TMEM163: variants seen among roughly 807,000 people sequenced by gnomAD.
The protein encoded by TMEM163 is transmembrane protein 163.
TMEM163 carries 17 observed loss-of-function variants against 29.3 expected under a neutral mutation model. The ratio of observed to expected loss-of-function variants is 0.58; its 90% CI spans 0.40 to 0.87. The LOEUF (loss-of-function observed/expected upper bound fraction) is 0.87. Ranked by LOEUF, TMEM163 falls within the 40% of genes least tolerant of loss-of-function variation. The pLI is 0.00. For synonymous variants in TMEM163, 157 were observed against 160.6 expected (o/e 0.98, Z 0.17); for missense variants, 303 against 381.5 (o/e 0.79, Z 1.71).
chr2:134,547,647 A>G (rs1257822130), intron 4 of TMEM163, among the ~76,000 whole-genome samples: 3 of 152,198 alleles, frequency 2.0e-5, no homozygotes, highest in Non-Finnish European at 4.4e-5. Context: ...AGGGATTAAA[A>G]CTTTAAACCA....
chr2:134,689,359 C>T (rs577001036), intron 2 of TMEM163, among the ~76,000 whole-genome samples: 50 of 152,260 alleles, frequency 3.3e-4, no homozygotes, highest in African/African-American at 1.0e-3. Flanking sequence ...CTGCCTGCCT[C>T]GGCCTCCCGA....
At chr2:134,586,424 A>C (rs898947139) in intron 2 of TMEM163, among the ~76,000 whole-genome samples, 18 of 152,184 alleles carry the variant, frequency 1.2e-4, no homozygotes, top group African/African-American at 4.3e-4. Flanking sequence ...CTTCTGCTGC[A>C]TCACGCTGAT....
intron 4 of TMEM163, among the ~76,000 whole-genome samples, chr2:134,538,407 C>T (rs1311647660): frequency 6.6e-6 from 1 of 152,202 alleles, no homozygotes; most frequent in Non-Finnish European, 1.5e-5. Flanking sequence ...TATGATATTT[C>T]ATTACAGCAG....
At chr2:134,665,400 G>A (rs956499390) in intron 2 of TMEM163, among the ~76,000 whole-genome samples, 1 of 152,158 alleles carries the variant, frequency 6.6e-6, no homozygotes, top group African/African-American at 2.4e-5. Context: ...TCACTATCAT[G>A]AGAACGGCAC....
intron 2 of TMEM163, among the ~76,000 whole-genome samples, chr2:134,678,062 T>C (rs1031185882): frequency 6.6e-6 from 1 of 152,214 alleles, no homozygotes; most frequent in African/African-American, 2.4e-5. Flanking sequence ...CTTTCCGGTC[T>C]CAGGGAAGCA....
intron 4 of TMEM163, among the ~76,000 whole-genome samples, chr2:134,510,813 C>T (rs1488160181): frequency 1.3e-5 from 2 of 152,148 alleles, no homozygotes; most frequent in Non-Finnish European, 2.9e-5. Flanking sequence ...CCTAGGCTCC[C>T]AGGGCCATTT....
intron 2 of TMEM163, among the ~76,000 whole-genome samples, chr2:134,606,578 C>CG (rs923738203): frequency 2.0e-5 from 3 of 152,142 alleles, no homozygotes; most frequent in African/African-American, 7.2e-5. Flanking sequence ...CTGGAAGAGT[C>CG]GGGCTGGGGA....
chr2:134,692,233 G>T (rs550680222), intron 2 of TMEM163, among the ~76,000 whole-genome samples: 1 of 152,104 alleles, frequency 6.6e-6, no homozygotes, highest in East Asian at 1.9e-4. Context: ...CTTCACTTCA[G>T]CCCAGCGATC....
At chr2:134,503,116 C>T in intron 4 of TMEM163, 119 bp from the exon 5 acceptor site, 1 of 981,766 alleles carries the variant, frequency 1.0e-6, no homozygotes, top group Non-Finnish European at 1.5e-6. Flanking sequence ...ATTTGCCACA[C>T]CCCCAGGGTG....
intron 6 of TMEM163, among the ~76,000 whole-genome samples, chr2:134,461,681 T>A (rs1351919685): frequency 6.6e-6 from 1 of 152,184 alleles, no homozygotes; most frequent in Admixed American, 6.5e-5. Flanking sequence ...ATCATCTCCA[T>A]CGGCCACACC....
In TMEM163 at chr2:134,556,303, T is replaced by C. The variant is rs142710716; in HGVS notation, c.323-4212A>G. On this transcript the variant is annotated intron_variant, in intron 2 of 7. Coordinates refer to ENST00000281924, the MANE Select transcript of TMEM163 (RefSeq NM_030923.5). The stretch of plus-strand genomic sequence containing the variant: ...TGAGTTTCTATCACTTCCAGCCACA[T>C]GAGTCTTAATACAAGGTATGTTGAC... Among the ~76,000 whole-genome samples the C allele has an allele frequency of 5.5e-3, 845 of 152,368 alleles. 5 individuals carry two copies. The highest frequency in any genetic ancestry group is 0.017 in the Middle Eastern group (5 of 294).
At chr2:134,687,910 AG>A (rs1208608206) in intron 2 of TMEM163, among the ~76,000 whole-genome samples, 1 of 152,190 alleles carries the variant, frequency 6.6e-6, no homozygotes, top group African/African-American at 2.4e-5. Flanking sequence ...CAAACAGAAA[AG>A]GGATTTACAT....
intron 2 of TMEM163, among the ~76,000 whole-genome samples, chr2:134,656,036 C>T (rs1321660776): frequency 6.9e-6 from 1 of 145,188 alleles, no homozygotes; most frequent in Non-Finnish European, 1.5e-5. Flanking sequence ...GTGGAGCCTA[C>T]AGAGGCAGGC....
intron 6 of TMEM163, among the ~76,000 whole-genome samples, chr2:134,462,847 T>TGG (rs1686579702): frequency 6.6e-6 from 1 of 152,208 alleles, no homozygotes; most frequent in South Asian, 2.1e-4. Flanking sequence ...CCCATGGTCA[T>TGG]GGGCAGGGTG....
intron 2 of TMEM163, among the ~76,000 whole-genome samples, chr2:134,664,906 G>C (rs779526786): frequency 1.3e-5 from 2 of 152,018 alleles, no homozygotes; most frequent in Non-Finnish European, 2.9e-5. Context: ...GTTTGAGACA[G>C]GGTCTTGCTA....
intron 5 of TMEM163, chr2:134,468,744 T>G (rs1686725631): frequency 6.6e-6 from 1 of 152,222 alleles, no homozygotes; most frequent in African/African-American, 2.4e-5. Context: ...GCACAGGGCC[T>G]GGGGTGTGCT....
intron 2 of TMEM163, among the ~76,000 whole-genome samples, chr2:134,615,939 G>A (rs989831820): frequency 6.6e-6 from 1 of 152,106 alleles, no homozygotes; most frequent in Non-Finnish European, 1.5e-5. Context: ...TTACAGGCGT[G>A]AGCCACCATG....
At chr2:134,601,089 CTATT>C (rs1682221683) in intron 2 of TMEM163, among the ~76,000 whole-genome samples, 1 of 151,966 alleles carries the variant, frequency 6.6e-6, no homozygotes, top group Non-Finnish European at 1.5e-5. Context: ...TAAAGTATAT[CTATT>C]GTCTAGTTAA....
At chr2:134,595,441 G>A (rs1349936532) in intron 2 of TMEM163, among the ~76,000 whole-genome samples, 11 of 152,170 alleles carry the variant, frequency 7.2e-5, no homozygotes, top group African/African-American at 2.4e-4. Context: ...CAAGGGACAT[G>A]AACTCATCAT....
Sources: allele counts gnomAD v4.1 joint callset (sites outside exome capture counted in the v4.1 genomes callset), GRCh38; gene constraint gnomAD v4.1.1; transcripts MANE v1.5; gene names NCBI Gene and HGNC (gene_info 2026-07-23, HGNC 2026-07-21).